Variants in AP4S1 observed in about 807,000 individuals in gnomAD.
The protein encoded by AP4S1 is AP-4 complex subunit sigma-1.
AP4S1 carries 23 observed loss-of-function variants against 19.8 expected under a neutral mutation model. That is an observed-to-expected ratio of 1.16 (90% confidence interval 0.84 to 1.65). AP4S1 has a LOEUF of 1.65. AP4S1 is among the 40% of genes most tolerant of loss of function. The pLI is 0.00. For synonymous variants in AP4S1, 46 were observed against 54.1 expected, an observed-to-expected ratio of 0.85 and a Z score of 0.66; for missense variants, 166 against 172.8, an observed-to-expected ratio of 0.96 and a Z score of 0.22.
intron 5 of AP4S1, among the ~76,000 whole-genome samples, chr14:31,088,807 CAAAAAAAA>C (rs1283476951): frequency 2.8e-5 from 1 of 35,350 alleles, no homozygotes; most frequent in Non-Finnish European, 6.0e-5. Flanking sequence ...GACTCCATCT[CAAAAAAAA>C]AAAAAAAAAA....
At chr14:31,050,704 G>A (rs2139495879) in intron 1 of AP4S1, among the ~76,000 whole-genome samples, 1 of 152,258 alleles carries the variant, frequency 6.6e-6, no homozygotes, top group East Asian at 1.9e-4. Context: ...CATGATACAT[G>A]TATCAAATAT....
rs1888191399 is a variant in AP4S1 at position 31,095,963 on chromosome 14, T to A, written c.*2928T>A. ...AGCCGGGCATGGTGGCACGCGCCTA[T>A]AATCCCAACTACTTGGGAGGCTGTG... On this transcript the variant is annotated 3_prime_UTR_variant, in exon 6 of 6. Coordinates refer to ENST00000542754, the MANE Select transcript of AP4S1 (RefSeq NM_001128126.3). The A allele has an allele frequency of 6.6e-6, 1 of 151,900 alleles. No individual in the cohort carries two copies. The highest frequency in any genetic ancestry group is 1.5e-5 in the Non-Finnish European group (1 of 68,026). The allele number at this position is 151,900 out of a possible 1,614,324, so 9.4% of individuals were successfully genotyped here.
chr14:31,036,314 C>G (rs1270083809), intron 1 of AP4S1, among the ~76,000 whole-genome samples: 1 of 150,086 alleles, frequency 6.7e-6, no homozygotes, highest in Non-Finnish European at 1.5e-5. Context: ...AATTCCTGGG[C>G]TCAAGCAATC....
At chr14:31,045,187 C>T (rs1885325285) in intron 1 of AP4S1, among the ~76,000 whole-genome samples, 1 of 152,168 alleles carries the variant, frequency 6.6e-6, no homozygotes, top group Non-Finnish European at 1.5e-5. Flanking sequence ...CAGGCGTGAG[C>T]CACCACGCCC....
chr14:31,058,130 A>G (rs1886226229), intron 1 of AP4S1, among the ~76,000 whole-genome samples: 1 of 151,970 alleles, frequency 6.6e-6, no homozygotes, highest in South Asian at 2.1e-4. Flanking sequence ...ATGGTCTCCT[A>G]TATTGCCTAA....
At chr14:31,082,844 C>T (rs939096795) in intron 5 of AP4S1, among the ~76,000 whole-genome samples, 4 of 150,186 alleles carry the variant, frequency 2.7e-5, no homozygotes, top group Admixed American at 6.7e-5. Flanking sequence ...TGCAGTGAGC[C>T]GAGATTGCGC....
At chr14:31,081,106 AT>A (rs960629842) in intron 5 of AP4S1, among the ~76,000 whole-genome samples, 2 of 150,356 alleles carry the variant, frequency 1.3e-5, no homozygotes, top group African/African-American at 4.9e-5. Context: ...GATTCTTAAG[AT>A]TTTTTTTTTC....
rs926306901 is a variant in AP4S1 at position 31,095,255 on chromosome 14, A to T, written c.*2220A>T. 6.6e-6 allele frequency: 1 copy of T among 152,268 alleles called. No individual in the cohort carries two copies. Among genetic ancestry groups the T allele is most frequent in the East Asian group, 1.9e-4 (1 of 5,198 alleles). The allele number at this position is 152,268 out of a possible 1,614,324, so 9.4% of individuals were successfully genotyped here. On this transcript the variant is annotated 3_prime_UTR_variant, in exon 6 of 6. Transcript: ENST00000542754. ...ATGTACCTAACAAAGATGCAGAGTT[A>T]AATTTTATTTGCCAGTTTGTAAAAG...
chr14:31,058,627 T>C (rs1886266036), intron 1 of AP4S1, among the ~76,000 whole-genome samples: 1 of 151,814 alleles, frequency 6.6e-6, no homozygotes, highest in Non-Finnish European at 1.5e-5. Flanking sequence ...GAGTGCAGTG[T>C]TGTGATCATA....
chr14:31,035,221 A>C (rs1884661601), intron 1 of AP4S1, among the ~76,000 whole-genome samples: 2 of 100,750 alleles, frequency 2.0e-5, no homozygotes, highest in Non-Finnish European at 3.6e-5. Flanking sequence ...TTTGAGATGG[A>C]GTCTAGCTCT....
chr14:31,039,730 A>G (rs977242044), intron 1 of AP4S1, among the ~76,000 whole-genome samples: 6 of 151,812 alleles, frequency 4.0e-5, no homozygotes, highest in Non-Finnish European at 7.4e-5. Flanking sequence ...AGCTGGGACT[A>G]CAGGCGCGCG....
At chr14:31,044,301 C>T (rs534600631) in intron 1 of AP4S1, among the ~76,000 whole-genome samples, 129 of 152,188 alleles carry the variant, frequency 8.5e-4, no homozygotes, top group African/African-American at 3.0e-3. Context: ...TACATAGTAG[C>T]TCACAACTGT....
chr14:31,079,316 A>T (rs1357591802), intron 4 of AP4S1, among the ~76,000 whole-genome samples: 2 of 152,160 alleles, frequency 1.3e-5, no homozygotes, highest in Admixed American at 6.6e-5. Context: ...GTAGTTATGC[A>T]TTTGTCTAAA....
At chr14:31,080,398 T>A (rs1396985237) in intron 4 of AP4S1, among the ~76,000 whole-genome samples, 175 bp from the exon 5 acceptor site, 1 of 152,150 alleles carries the variant, frequency 6.6e-6, no homozygotes, top group African/African-American at 2.4e-5. Flanking sequence ...TTTAAAAAAA[T>A]TATAGTCCCA....
intron 1 of AP4S1, among the ~76,000 whole-genome samples, chr14:31,055,589 G>T (rs1886062188): frequency 6.6e-6 from 1 of 152,110 alleles, no homozygotes; most frequent in African/African-American, 2.4e-5. Context: ...TCCAGTTCAT[G>T]CTCTTGACTA....
rs397718653 is a variant in AP4S1 at position 31,071,930 on chromosome 14, T to TG, written c.226-968dup. Among the ~76,000 whole-genome samples, 447 of 150,480 alleles carry TG rather than the reference T, an allele frequency of 3.0e-3. 8 individuals are homozygous for TG. The South Asian group carries it at 0.052, about 17-fold the overall frequency. ...ATTTATTTATTTATTTGATTTTTTT[T>TG]GGGGGGGTGGGGATGGAGTCTCGCT... On this transcript the variant is annotated intron_variant, in intron 3 of 5. Transcript: ENST00000542754.
intron 1 of AP4S1, among the ~76,000 whole-genome samples, chr14:31,049,185 G>A (rs868069794): frequency 5.9e-5 from 9 of 151,526 alleles, no homozygotes; most frequent in African/African-American, 9.7e-5. Context: ...AGGTCGAGGC[G>A]GGTGGATCAT....
intron 1 of AP4S1, among the ~76,000 whole-genome samples, chr14:31,032,383 T>TTCCA (rs755069500): frequency 5.1e-4 from 78 of 152,288 alleles, no homozygotes; most frequent in South Asian, 1.0e-3. Flanking sequence ...GGTTAAGGAA[T>TTCCA]TCCAGGCTTT....
intron 1 of AP4S1, among the ~76,000 whole-genome samples, chr14:31,039,608 T>C (rs1290416485): frequency 6.7e-6 from 1 of 149,086 alleles, no homozygotes; most frequent in Non-Finnish European, 1.5e-5. Flanking sequence ...AGTTTCGCTC[T>C]GTCGCCCAGG....
Sources: allele counts gnomAD v4.1 joint callset (sites outside exome capture counted in the v4.1 genomes callset), GRCh38; gene constraint gnomAD v4.1.1; transcripts MANE v1.5; gene names NCBI Gene and HGNC (gene_info 2026-07-23, HGNC 2026-07-21).